The following SEMA3G variants were observed in gnomAD, a reference collection of about 807,000 sequenced individuals.
SEMA3G encodes the protein semaphorin-3G.
A neutral mutation model predicts 86.2 loss-of-function variants in SEMA3G; 70 were observed. That is an observed-to-expected ratio of 0.81 (90% CI 0.67 to 0.99). The LOEUF is 0.99. Ranked by LOEUF, SEMA3G falls within the 50% of genes least tolerant of loss-of-function variation. The pLI, the probability that SEMA3G is intolerant of heterozygous loss-of-function variation, is 0.00. For synonymous variants in SEMA3G, 416 were observed against 441.4 expected (o/e 0.94, Z 0.72); for missense variants, 1,002 against 1,072.4 (o/e 0.93, Z 0.92).
chr3:52,442,923 G>C lies in SEMA3G; in HGVS notation c.116-16C>G. The C allele has an allele frequency of 6.3e-7, 1 of 1,577,840 alleles. No individual in the cohort carries two copies. The highest frequency in any genetic ancestry group is 8.6e-7 in the Non-Finnish European group (1 of 1,161,744). ...GACAGGAGGTCTAGGAGGATGTATG[G>C]GGAGGCAGATCAGGGCCACAGCTCA... On this transcript the variant is annotated splice_polypyrimidine_tract_variant and intron_variant, in intron 1 of 15. Transcript: ENST00000231721. The surrounding 1 kb of genome is among the most constrained non-coding windows in gnomAD (Gnocchi z 6.1).
chr3:52,444,696 G>A (rs1462087654), intron 1 of SEMA3G, among the ~76,000 whole-genome samples: 7 of 126,518 alleles, frequency 5.5e-5, no homozygotes, highest in Admixed American at 4.0e-4. Context: ...CTCGGCACAC[G>A]CACACAAACT....
At chr3:52,439,648 T>C in intron 12 of SEMA3G, 32 bp downstream of exon 12, 1 of 1,566,228 alleles carries the variant, frequency 6.4e-7, no homozygotes, top group Non-Finnish European at 8.8e-7. Flanking sequence ...AGATGGGGCT[T>C]GGAGGGACCC....
In SEMA3G at chr3:52,435,734, A is replaced by G; in HGVS notation, c.2218T>C (p.Cys740Arg). ...TTGCCCCGGCTCCGGCTCCGGAAGC[A>G]GCCTGAGCATTCCGTGGTGCCCCTG... ...WCRGTTECSG[C>R]FRSRSRGKQA... The change falls in exon 16 of 16, where the codon TGC becomes CGC. Residue 740 changes from cysteine to arginine, a missense_variant. Coordinates refer to ENST00000231721, the MANE Select transcript of SEMA3G (RefSeq NM_020163.3). 6.2e-7 allele frequency: 1 copy of G among 1,614,042 alleles called. No homozygotes were observed. The highest frequency in any genetic ancestry group is 8.5e-7 in the Non-Finnish European group (1 of 1,179,982).
chr3:52,440,898 C>A, intron 8 of SEMA3G, 36 bp downstream of exon 8: 1 of 1,599,796 alleles, frequency 6.3e-7, no homozygotes, highest in Non-Finnish European at 8.5e-7. Flanking sequence ...GCCCTCCCCA[C>A]TCCCGAGCCC....
chr3:52,436,989 C>A (rs989942764), intron 15 of SEMA3G, among the ~76,000 whole-genome samples: 1 of 152,204 alleles, frequency 6.6e-6, no homozygotes, highest in Non-Finnish European at 1.5e-5. Context: ...GGTTGATAGA[C>A]CTTTCCGGAT....
At chr3:52,441,729 C>T (rs971469274) in intron 5 of SEMA3G, 39 bp from the exon 6 acceptor site, 1 of 1,596,084 alleles carries the variant, frequency 6.3e-7, no homozygotes, top group Admixed American at 1.7e-5. Context: ...GGGGAGGAGG[C>T]CCAGGCCCAG....
chr3:52,440,519 G>T lies in SEMA3G; in HGVS notation c.1001C>A (p.Ala334Asp). The T allele has an allele frequency of 3.7e-6, 6 of 1,607,718 alleles. No homozygotes were observed. Among genetic ancestry groups the T allele is most frequent in the Non-Finnish European group, 5.1e-6 (6 of 1,177,576 alleles). The part of the protein sequence containing the change: ...EVYALFSTVS[A>D]VFQGFAVCVY... The stretch of plus-strand genomic sequence containing the variant: ...ACAGACGGCGAAGCCCTGGAACACG[G>T]CACTGCCGGGGCACATGGGACAGTC... Residue 334 changes from alanine (A) to aspartate (D), a missense_variant and splice_region_variant, in exon 10 of 16, where the codon GCC becomes GAC. Transcript: ENST00000231721.
At chr3:52,438,537 C>G (rs1335692284) in intron 13 of SEMA3G, 1 of 985,360 alleles carries the variant, frequency 1.0e-6, no homozygotes, top group Non-Finnish European at 1.2e-6. Context: ...TTAAGCAACC[C>G]TTGCACGAAA....
Position 52,442,045 on chromosome 3 carries a change from A to T in SEMA3G, c.460-136T>A. ...GGCGTCCTCATCCAGGGCCCCTCTA[A>T]TGGGGTCAGCTCCCCAACACAAAGG... On this transcript the variant is annotated intron_variant, in intron 4 of 15. Coordinates refer to ENST00000231721, the MANE Select transcript of SEMA3G (RefSeq NM_020163.3). The surrounding 1 kb of genome is among the most constrained non-coding windows in gnomAD (Gnocchi z 6.1). The T allele has an allele frequency of 7.4e-7, 1 of 1,356,092 alleles. No homozygotes were observed. Among genetic ancestry groups the T allele is most frequent in the Non-Finnish European group, 1.0e-6 (1 of 996,598 alleles). 84.0% of individuals were successfully genotyped at this position (1,356,092 alleles called of 1,614,324 possible).
Position 52,441,839 on chromosome 3 carries a change from G to A in SEMA3G, c.530C>T (p.Pro177Leu). The A allele has an allele frequency of 1.2e-6, 2 of 1,604,618 alleles. No homozygotes were observed. The highest frequency in any genetic ancestry group is 1.7e-6 in the Non-Finnish European group (2 of 1,175,806). ...RGRCPHEPSR[P>L]FASTFIDGEL... ...CCCACCTATGAAGGTGCTGGCAAAGGGACGGCTGGGCTCGTGAGGGCACCG... is the reference window on the plus strand; with the variant it reads ...CCCACCTATGAAGGTGCTGGCAAAGAGACGGCTGGGCTCGTGAGGGCACCG... Residue 177 changes from proline (P) to leucine (L), a missense_variant, in exon 5 of 16, where the codon CCC (proline) becomes CTC (leucine). By Grantham distance (98) the Pro-to-Leu change is moderately conservative (BLOSUM62 -3). Transcript: ENST00000231721.
chr3:52,436,085 G>A lies in SEMA3G; in HGVS notation c.1879-12C>T. 2.5e-6 allele frequency: 4 copies of A among 1,597,796 alleles called. No individual in the cohort carries two copies. The highest frequency in any genetic ancestry group is 3.4e-6 in the Non-Finnish European group (4 of 1,169,814). Reference sequence around the variant, plus strand: ...TCGTCCGTCTTCACCTGCCATGCGGGCGGGAGGGCGTGAGTAGGGTGCAAG... The same window carrying A: ...TCGTCCGTCTTCACCTGCCATGCGGACGGGAGGGCGTGAGTAGGGTGCAAG... On this transcript the variant is annotated splice_polypyrimidine_tract_variant and intron_variant, in intron 15 of 15. Transcript: ENST00000231721.
rs780759536 is a variant in SEMA3G at position 52,440,531 on chromosome 3, C to T, written c.999-10G>A. The T allele has an allele frequency of 3.7e-6, 6 of 1,604,508 alleles. No individual in the cohort carries two copies. Among genetic ancestry groups the T allele is most frequent in the East Asian group, 2.2e-5 (1 of 44,746 alleles). ...GCCCTGGAACACGGCACTGCCGGGG[C>T]ACATGGGACAGTCAGGCCAGAGTGG... is the stretch of plus-strand genomic sequence containing the variant. On this transcript the variant is annotated splice_polypyrimidine_tract_variant and intron_variant, in intron 9 of 15. Transcript: ENST00000231721.
rs749310805 is a variant in SEMA3G, at chr3:52,438,015, C to T, written c.1694G>A (p.Arg565Gln). 20 of 1,612,886 alleles carry T rather than the reference C, an allele frequency of 1.2e-5. No homozygotes were observed. Among genetic ancestry groups the T allele is most frequent in the Middle Eastern group, 1.6e-4 (1 of 6,082 alleles). ...GKRRFRRQDI[R>Q]HGNPALQCLG... ...GCACTGCAGGGCAGGGTTGCCGTGC[C>T]GGATGTCCTGCCGGCGGAACCGGCG... The change falls in exon 14 of 16, where the codon CGG becomes CAG. Residue 565 changes from arginine to glutamine, a missense_variant. Transcript: ENST00000231721.
In SEMA3G at chr3:52,441,648, C is replaced by T. The variant is rs776617695; in HGVS notation, c.593G>A (p.Arg198Gln). 3.0e-5 allele frequency: 49 copies of T among 1,613,806 alleles called. No homozygotes were observed. The East Asian group carries it at 8.9e-4, about 29-fold the overall frequency. ...TCCACTTCGGAAGATCATGGCCTCTCGCCCCAGGAAGTCAGCAGTGAGACC... is the reference window on the plus strand; with the variant it reads ...TCCACTTCGGAAGATCATGGCCTCTTGCCCCAGGAAGTCAGCAGTGAGACC... ...YTGLTADFLGREAMIFRSGGP... is the reference protein window; with the variant it reads ...YTGLTADFLGQEAMIFRSGGP... Residue 198 changes from arginine to glutamine, a missense_variant, in exon 6 of 16, where the codon CGA (arginine) becomes CAA (glutamine). Coordinates refer to ENST00000231721, the MANE Select transcript of SEMA3G (RefSeq NM_020163.3).
rs1397227732 is a variant in SEMA3G, at chr3:52,435,919, T to A, written c.2033A>T (p.Gln678Leu). 5.0e-6 allele frequency: 8 copies of A among 1,613,880 alleles called. No homozygotes were observed. In the East Asian group the frequency reaches 1.8e-4, roughly 36 times the overall value. ...CTCCGGAGGGAACAGGTTGTCCAGC[T>A]GTGAGGCCACAATCACCACCAGAGC... is the stretch of plus-strand genomic sequence containing the variant. ...RLALVVIVASQLDNLFPPEPK... is the reference protein window; with the variant it reads ...RLALVVIVASLLDNLFPPEPK... Residue 678 changes from glutamine (Q) to leucine (L), a missense_variant, in exon 16 of 16, where the codon CAG becomes CTG. Physicochemically the swap from Gln to Leu is moderately radical, Grantham distance 113 (BLOSUM62 -2). Coordinates refer to ENST00000231721, the MANE Select transcript of SEMA3G (RefSeq NM_020163.3).
Position 52,435,803 on chromosome 3 carries a change from C to G in SEMA3G, c.2149G>C (p.Ala717Pro). ...YKDILQLIGF[A>P]NLPRVDEYCE... ...TACTCATCCACCCGGGGCAGGTTGG[C>G]GAAGCCAATGAGCTGCAGGATGTCC... Residue 717 changes from alanine (A) to proline (P), a missense_variant, in exon 16 of 16, where the codon GCC (alanine) becomes CCC (proline). Coordinates refer to ENST00000231721, the MANE Select transcript of SEMA3G (RefSeq NM_020163.3). 1 of 1,614,076 alleles carries G rather than the reference C, an allele frequency of 6.2e-7. No individual in the cohort carries two copies. The highest frequency in any genetic ancestry group is 8.5e-7 in the Non-Finnish European group (1 of 1,180,006).
chr3:52,443,992 C>T (rs1706210925), intron 1 of SEMA3G, among the ~76,000 whole-genome samples: 1 of 152,176 alleles, frequency 6.6e-6, no homozygotes, highest in African/African-American at 2.4e-5. Flanking sequence ...AACCCCCAGG[C>T]TGGGATGTGC....
At chr3:52,437,842 C>T (rs1435438988) in intron 14 of SEMA3G, 129 bp downstream of exon 14, 7 of 1,123,474 alleles carry the variant, frequency 6.2e-6, no homozygotes, top group Non-Finnish European at 9.0e-6. Flanking sequence ...GCAGGAGCTA[C>T]ACAGAGAGGG....
At chr3:52,438,321 G>T in intron 13 of SEMA3G, 122 bp from the exon 14 acceptor site, 2 of 1,395,214 alleles carry the variant, frequency 1.4e-6, no homozygotes, top group Admixed American at 2.3e-5. Flanking sequence ...AGAACCTCTT[G>T]GATTCATTCA....
Sources: allele counts gnomAD v4.1 joint callset (sites outside exome capture counted in the v4.1 genomes callset), GRCh38; gene constraint gnomAD v4.1.1; non-coding constraint Gnocchi (gnomAD v3.1); transcripts MANE v1.5; gene names NCBI Gene and HGNC (gene_info 2026-07-23, HGNC 2026-07-21).